The following ESRRG variants were observed in gnomAD, a reference collection of about 807,000 sequenced individuals.
ESRRG encodes the protein estrogen related receptor gamma, also known as estrogen-related receptor gamma.
A neutral mutation model predicts 44.0 loss-of-function variants in ESRRG; 13 were observed. That is an observed-to-expected ratio of 0.30 (90% CI 0.19 to 0.47). The LOEUF is 0.47. Ranked by LOEUF, ESRRG falls within the 20% of genes least tolerant of loss-of-function variation. The pLI is 1.00. For synonymous variants in ESRRG, 215 were observed against 214.6 expected (o/e 1.00, Z -0.02); for missense variants, 395 against 580.6 (o/e 0.68, Z 3.29).
chr1:216,986,984 T>A (rs768373637), intron 1 of ESRRG, among the ~76,000 whole-genome samples: 14 of 152,232 alleles, frequency 9.2e-5, no homozygotes, highest in Non-Finnish European at 2.1e-4. Context: ...TAAATTTTCT[T>A]TCTATTCTCT....
intron 1 of ESRRG, among the ~76,000 whole-genome samples, chr1:216,705,677 C>T (rs946374582): frequency 2.6e-5 from 4 of 152,122 alleles, no homozygotes; most frequent in Admixed American, 6.6e-5. Context: ...TCCAAAGCAC[C>T]CAGGACCAAG....
chr1:216,505,793 A>G lies in ESRRG; in HGVS notation c.*1146T>C, dbSNP rs2041089088. Reference sequence around the variant, plus strand: ...CAGACTGGCACACAACATAAATTGCATCCGTGATAATATGCACCTTCCCTT... The same window carrying G: ...CAGACTGGCACACAACATAAATTGCGTCCGTGATAATATGCACCTTCCCTT... On this transcript the variant is annotated 3_prime_UTR_variant, in exon 7 of 7. Transcript: ENST00000408911. 1 of 152,656 alleles carries G rather than the reference A, an allele frequency of 6.6e-6. No individual in the cohort carries two copies. The highest frequency in any genetic ancestry group is 2.4e-5 in the African/African-American group (1 of 41,468). 9.5% of individuals were successfully genotyped at this position (152,656 alleles called of 1,614,324 possible).
intron 1 of ESRRG, among the ~76,000 whole-genome samples, chr1:217,113,079 A>G (rs575810966): frequency 2.6e-5 from 4 of 152,238 alleles, no homozygotes; most frequent in Non-Finnish European, 5.9e-5. Context: ...CACTTAGACT[A>G]AAAGAGACAG....
At chr1:216,869,202 A>T (rs538457837) in intron 2 of ESRRG, among the ~76,000 whole-genome samples, 1 of 152,238 alleles carries the variant, frequency 6.6e-6, no homozygotes, top group Non-Finnish European at 1.5e-5. Flanking sequence ...TATGTTTTAC[A>T]TCTAGATTTT....
chr1:216,540,348 A>G (rs113669381), intron 5 of ESRRG, among the ~76,000 whole-genome samples: 47 of 152,138 alleles, frequency 3.1e-4, no homozygotes, highest in African/African-American at 1.1e-3. Context: ...AATTAGAACT[A>G]AAATGTAAAA....
intron 2 of ESRRG, 53 bp from the exon 3 acceptor site, chr1:216,651,142 T>A: frequency 7.7e-6 from 9 of 1,170,652 alleles, no homozygotes; most frequent in Non-Finnish European, 1.0e-5. Context: ...CCAGGAAACA[T>A]TAGCTTCCCA....
At chr1:217,059,634 A>G (rs2087918296) in intron 1 of ESRRG, among the ~76,000 whole-genome samples, 1 of 152,050 alleles carries the variant, frequency 6.6e-6, no homozygotes, top group Non-Finnish European at 1.5e-5. Flanking sequence ...TTTGAACTTC[A>G]ATAATGATTG....
At chr1:216,693,972 A>G (rs2079593064) in intron 1 of ESRRG, among the ~76,000 whole-genome samples, 1 of 152,232 alleles carries the variant, frequency 6.6e-6, no homozygotes, top group Non-Finnish European at 1.5e-5. Flanking sequence ...AATCTCAAGA[A>G]TCTGTGAAAT....
intron 5 of ESRRG, among the ~76,000 whole-genome samples, chr1:216,533,115 G>C (rs10863249): frequency 0.3 from 45,890 of 151,916 alleles, 7,401 homozygotes; most frequent in Non-Finnish European, 0.36. Flanking sequence ...TAAAGTCCAG[G>C]ATGGGTTATA....
chr1:216,673,348 C>T (rs1240908046), intron 2 of ESRRG, among the ~76,000 whole-genome samples: 4 of 152,330 alleles, frequency 2.6e-5, no homozygotes, highest in African/African-American at 4.8e-5. Context: ...GCCTCACTGC[C>T]TTTTTGGGGC....
chr1:216,818,250 G>T (rs945698655), intron 2 of ESRRG, among the ~76,000 whole-genome samples: 2 of 152,222 alleles, frequency 1.3e-5, no homozygotes, highest in African/African-American at 4.8e-5. Context: ...CATTACCAAT[G>T]AATGGATTGA....
chr1:216,975,427 T>C (rs2072662281), intron 1 of ESRRG, among the ~76,000 whole-genome samples: 1 of 152,208 alleles, frequency 6.6e-6, no homozygotes, highest in Non-Finnish European at 1.5e-5. Flanking sequence ...TACAAAAAGC[T>C]AGGTGCACGG....
intron 2 of ESRRG, among the ~76,000 whole-genome samples, chr1:216,832,447 G>A (rs79973388): frequency 0.011 from 1,741 of 152,248 alleles, 18 homozygotes; most frequent in East Asian, 0.042. Flanking sequence ...GTCACCTGCT[G>A]AAATGTCATC....
rs570531181 is a variant in ESRRG, at chr1:216,529,848, A to T, written c.863-10427T>A. On this transcript the variant is annotated intron_variant, in intron 5 of 6. Coordinates refer to ENST00000408911, the MANE Select transcript of ESRRG (RefSeq NM_001438.4). The stretch of plus-strand genomic sequence containing the variant: ...CTTAGCTTGCCAGGTGCGGTGGCTC[A>T]TGCCTGTAATCCCAGCACTTTGGGA... Among the ~76,000 whole-genome samples the T allele has an allele frequency of 1.8e-4, 27 of 152,220 alleles. 1 individual carries two copies. The highest frequency in any genetic ancestry group is 6.3e-4 in the African/African-American group (26 of 41,540).
chr1:216,800,092 C>T (rs537734493), intron 2 of ESRRG, among the ~76,000 whole-genome samples: 141 of 152,200 alleles, frequency 9.3e-4, no homozygotes, highest in African/African-American at 3.2e-3. Context: ...ACTAAAAATT[C>T]GGTTGTAAAT....
intron 3 of ESRRG, among the ~76,000 whole-genome samples, chr1:216,576,318 T>C (rs1225257407): frequency 7.0e-6 from 1 of 142,468 alleles, no homozygotes; most frequent in Non-Finnish European, 1.5e-5. Context: ...GGAGAGAAAA[T>C]GCATATCCAT....
At chr1:216,622,609 T>TATACAC (rs147309378) in intron 3 of ESRRG, among the ~76,000 whole-genome samples, 178 of 150,930 alleles carry the variant, frequency 1.2e-3, no homozygotes, top group South Asian at 3.8e-3. Context: ...AAATGAAAAT[T>TATACAC]ACACACACGC....
chr1:216,865,194 A>T (rs1386764224), intron 2 of ESRRG: 3 of 100,336 alleles, frequency 3.0e-5, no homozygotes, highest in African/African-American at 9.2e-5. Flanking sequence ...CAGCAAAAAA[A>T]AAAAAAAAAA....
intron 1 of ESRRG, among the ~76,000 whole-genome samples, chr1:217,084,362 T>C (rs1300304041): frequency 6.6e-6 from 1 of 152,200 alleles, no homozygotes; most frequent in Non-Finnish European, 1.5e-5. Flanking sequence ...TTTACATATA[T>C]GGAAATTTGC....
Sources: allele counts gnomAD v4.1 joint callset (sites outside exome capture counted in the v4.1 genomes callset), GRCh38; gene constraint gnomAD v4.1.1; transcripts MANE v1.5; gene names NCBI Gene and HGNC (gene_info 2026-07-23, HGNC 2026-07-21).